The following ORC4 variants were observed in gnomAD, a reference collection of about 807,000 sequenced individuals.
ORC4 encodes the protein origin recognition complex, subunit 4 homolog.
In ORC4, 55 loss-of-function variants were observed where a neutral mutation model predicts 63.9. The observed-to-expected ratio is 0.86, with a 90% CI of 0.69 to 1.08. The LOEUF (loss-of-function observed/expected upper bound fraction) is 1.08. Among genes scored for constraint, ORC4 ranks in the 50% least tolerant of loss-of-function variants. The pLI, the probability that ORC4 is intolerant of heterozygous loss-of-function variation, is 0.00. For synonymous variants in ORC4, 150 were observed against 168.5 expected (o/e 0.89, Z 0.85); for missense variants, 511 against 504.4 (o/e 1.01, Z -0.13).
Position 147,935,150 on chromosome 2 carries a change from GT to G in ORC4, c.*359del. The G allele has an allele frequency of 4.4e-6, 1 of 228,012 alleles. No homozygotes were observed. The allele number at this position is 228,012 out of a possible 1,614,324, so 14.1% of individuals were successfully genotyped here. On this transcript the variant is annotated 3_prime_UTR_variant, in exon 14 of 14. Transcript: ENST00000392857. ...TTATTATACTTCAGTGCTTACCATTGTTTTTTTTACTCCTTTGGTTTAAGGT... is the reference window on the plus strand; with the variant it reads ...TTATTATACTTCAGTGCTTACCATTGTTTTTTTACTCCTTTGGTTTAAGGT...
intron 13 of ORC4, 137 bp from the exon 14 acceptor site, chr2:147,935,835 A>G: frequency 1.5e-6 from 1 of 682,028 alleles, no homozygotes; most frequent in Non-Finnish European, 2.6e-6. Context: ...AACAATCAAT[A>G]GGATTAAAAA....
In ORC4 at chr2:148,004,849, CAA is replaced by C. The variant is rs1335931022; in HGVS notation, c.-18+15782_-18+15783del. Among the ~76,000 whole-genome samples, 3 of 152,224 alleles carry C rather than the reference CAA, an allele frequency of 2.0e-5. No homozygotes were observed. In the East Asian group the frequency reaches 5.8e-4, roughly 29 times the overall value. On this transcript the variant is annotated intron_variant, in intron 1 of 13. Coordinates refer to ENST00000392857, the MANE Select transcript of ORC4 (RefSeq NM_181741.4). ...ATGACAGAAAAGGAAATCAAAACCACAATGAGATACCATCTCATGCCAGCTGG... is the reference window on the plus strand; with the variant it reads ...ATGACAGAAAAGGAAATCAAAACCACTGAGATACCATCTCATGCCAGCTGG...
intron 1 of ORC4, among the ~76,000 whole-genome samples, chr2:148,018,747 G>A (rs1693474926): frequency 1.3e-5 from 2 of 152,200 alleles, no homozygotes; most frequent in South Asian, 2.1e-4. Flanking sequence ...GCTTAGGAAT[G>A]CTGACATAGG....
At chr2:147,959,706 C>A (rs568155493) in intron 4 of ORC4, among the ~76,000 whole-genome samples, 40 of 152,078 alleles carry the variant, frequency 2.6e-4, no homozygotes, top group African/African-American at 8.7e-4. Context: ...CATAACAAGA[C>A]AACAAAAATA....
chr2:147,980,261 A>T (rs1690800588), intron 1 of ORC4, among the ~76,000 whole-genome samples: 1 of 152,146 alleles, frequency 6.6e-6, no homozygotes, highest in Admixed American at 6.5e-5. Context: ...TATAAATTTT[A>T]AAAACAATAC....
chr2:148,009,075 C>T (rs1379678866), intron 1 of ORC4, among the ~76,000 whole-genome samples: 2 of 151,938 alleles, frequency 1.3e-5, no homozygotes, highest in African/African-American at 4.8e-5. Flanking sequence ...CTTTTCTTTG[C>T]AATCAGAGTT....
At chr2:147,941,789 C>T (rs1688379789) in intron 10 of ORC4, among the ~76,000 whole-genome samples, 1 of 151,796 alleles carries the variant, frequency 6.6e-6, no homozygotes, top group African/African-American at 2.4e-5. Flanking sequence ...TATATACATA[C>T]ACACATACAC....
intron 1 of ORC4, among the ~76,000 whole-genome samples, chr2:147,977,694 C>A (rs536634177): frequency 6.6e-6 from 1 of 152,276 alleles, no homozygotes; most frequent in Admixed American, 6.5e-5. Flanking sequence ...AGGATATGAA[C>A]CCTATCTGGT....
intron 6 of ORC4, among the ~76,000 whole-genome samples, chr2:147,956,464 T>A (rs1689258661): frequency 6.6e-6 from 1 of 152,082 alleles, no homozygotes; most frequent in Admixed American, 6.6e-5. Context: ...TGTGCATGTA[T>A]AATATACATA....
intron 1 of ORC4, among the ~76,000 whole-genome samples, chr2:147,985,007 G>T (rs1183097125): frequency 6.6e-6 from 1 of 152,114 alleles, no homozygotes; most frequent in Non-Finnish European, 1.5e-5. Flanking sequence ...TAAAAATTAT[G>T]AAGTACATCC....
At chr2:148,008,477 A>C (rs1468573554) in intron 1 of ORC4, among the ~76,000 whole-genome samples, 1 of 152,214 alleles carries the variant, frequency 6.6e-6, no homozygotes, top group African/African-American at 2.4e-5. Context: ...TCAAAGAATT[A>C]GTGTGTCAGT....
rs1014986955 is a variant in ORC4 at position 147,970,902 on chromosome 2, A to T, written c.225+1837T>A. On this transcript the variant is annotated intron_variant, in intron 4 of 13. Transcript: ENST00000392857. The stretch of plus-strand genomic sequence containing the variant: ...GTAATCCCAGCACTTTGGAAAGCTA[A>T]GGCAGGATTGCTTGAGCTCAGGGTT... Among the ~76,000 whole-genome samples, 3 of 152,206 alleles carry T rather than the reference A, an allele frequency of 2.0e-5. No homozygotes were observed. The East Asian group carries it at 5.8e-4, about 29-fold the overall frequency.
rs1688407165 is a variant in ORC4 at position 147,942,296 on chromosome 2, G to C, written c.849+1140C>G. On this transcript the variant is annotated intron_variant, in intron 10 of 13. Transcript: ENST00000392857. ...TTGCCATAATTTTCTAGAAATATTA[G>C]ACTAAAACCAAATACTCTTAGTGAA... Among the ~76,000 whole-genome samples the C allele has an allele frequency of 3.9e-5, 6 of 152,004 alleles. No individual in the cohort carries two copies. The South Asian group carries it at 1.2e-3, about 32-fold the overall frequency.
intron 9 of ORC4, 87 bp from the exon 10 acceptor site, chr2:147,943,609 T>C: frequency 1.3e-6 from 1 of 746,840 alleles, no homozygotes; most frequent in Non-Finnish European, 2.3e-6. Flanking sequence ...CTGGTTGGTG[T>C]ACCTTAGTAA....
intron 13 of ORC4, 179 bp downstream of exon 13, chr2:147,937,963 AAAAC>A (rs1449907817): frequency 9.6e-6 from 6 of 627,704 alleles, no homozygotes; most frequent in East Asian, 2.8e-5. Flanking sequence ...TCCACAAACT[AAAAC>A]AACCGGTCAC....
intron 1 of ORC4, among the ~76,000 whole-genome samples, chr2:148,019,419 G>A (rs918953008): frequency 1.3e-5 from 2 of 152,084 alleles, no homozygotes; most frequent in South Asian, 2.1e-4. Context: ...GTGAAACCCC[G>A]TCCCTACTGA....
intron 1 of ORC4, among the ~76,000 whole-genome samples, chr2:148,012,485 C>A (rs13032810): frequency 0.33 from 50,104 of 151,860 alleles, 8,519 homozygotes; most frequent in East Asian, 0.52. Context: ...TGAAACTAAT[C>A]AAGGAAACCA....
chr2:147,960,505 C>T (rs1041989332), intron 4 of ORC4: 7 of 258,076 alleles, frequency 2.7e-5, no homozygotes, highest in African/African-American at 1.4e-4. Flanking sequence ...CCAACATAAC[C>T]AAATTTGGTC....
Position 147,932,079 on chromosome 2 carries a change from C to T in ORC4, c.*3431G>A, listed in dbSNP as rs1044189152. On this transcript the variant is annotated 3_prime_UTR_variant, in exon 14 of 14. Transcript: ENST00000392857. Reference sequence around the variant, plus strand: ...CCCCATCGTCTCAGCCCAAAATCTCCTTAAGCTGATAAGCAACTTCAGCAA... The same window carrying T: ...CCCCATCGTCTCAGCCCAAAATCTCTTTAAGCTGATAAGCAACTTCAGCAA... 1 of 151,698 alleles carries T rather than the reference C, an allele frequency of 6.6e-6. No individual in the cohort carries two copies. Among genetic ancestry groups the T allele is most frequent in the Non-Finnish European group, 1.5e-5 (1 of 67,926 alleles). The allele number at this position is 151,698 out of a possible 1,614,324, so 9.4% of individuals were successfully genotyped here.
Sources: gnomAD v4.1 joint callset for allele counts (sites outside exome capture counted in the v4.1 genomes callset) on GRCh38, gnomAD v4.1.1 for gene constraint, MANE v1.5 for transcripts, NCBI Gene and HGNC (gene_info 2026-07-23, HGNC 2026-07-21) for gene names.